Variants in SS18 observed in about 807,000 individuals in gnomAD.
SS18 encodes the protein protein SSXT.
SS18 carries 28 observed loss-of-function variants against 72.5 expected under a neutral mutation model. The observed-to-expected ratio is 0.39, with a 90% CI of 0.29 to 0.53. The LOEUF is 0.53. SS18 is among the 20% of genes least tolerant of loss of function. SS18 has a pLI of 0.76. For synonymous variants in SS18, 172 were observed against 164.2 expected, an observed-to-expected ratio of 1.05 and a Z score of -0.37; for missense variants, 518 against 535.3, an observed-to-expected ratio of 0.97 and a Z score of 0.32.
chr18:26,017,200 T>C lies in SS18; in HGVS notation c.*1154A>G. 2 of 203,818 alleles carry C rather than the reference T, an allele frequency of 9.8e-6. No homozygotes were observed. The highest frequency in any genetic ancestry group is 2.0e-5 in the Non-Finnish European group (2 of 99,508). 12.6% of individuals were successfully genotyped at this position (203,818 alleles called of 1,614,324 possible). On this transcript the variant is annotated 3_prime_UTR_variant, in exon 11 of 11. Coordinates refer to ENST00000415083, the MANE Select transcript of SS18 (RefSeq NM_001007559.3). ...CTCGGTGCTTTAAAAACAGATAGAA[T>C]AAACCTCATCAATAAGCATTTTCCT...
At chr18:26,038,468 C>T (rs2053663104) in intron 7 of SS18, 87 bp downstream of exon 7, 4 of 1,215,074 alleles carry the variant, frequency 3.3e-6, no homozygotes, top group Admixed American at 1.8e-5. Flanking sequence ...TTAGTTTCTT[C>T]GTCCTCACTG....
chr18:26,066,513 T>A (rs2054219757), intron 3 of SS18, among the ~76,000 whole-genome samples: 1 of 152,066 alleles, frequency 6.6e-6, no homozygotes, highest in African/African-American at 2.4e-5. Context: ...CATGGAGTCA[T>A]CCCTAATGTC....
chr18:26,024,899 G>A (rs1247797561), intron 10 of SS18, among the ~76,000 whole-genome samples: 2 of 152,082 alleles, frequency 1.3e-5, no homozygotes, highest in Admixed American at 6.6e-5. Flanking sequence ...AGATCCGACT[G>A]ACTACATATG....
intron 5 of SS18, among the ~76,000 whole-genome samples, chr18:26,041,748 G>GAA (rs113774814): frequency 7.3e-5 from 11 of 150,240 alleles, no homozygotes; most frequent in African/African-American, 2.7e-4. Context: ...ATAGCCAAAA[G>GAA]AAAAAAAAAT....
chr18:26,052,972 G>A (rs1364842600), intron 4 of SS18, 127 bp from the exon 5 acceptor site: 1 of 711,836 alleles, frequency 1.4e-6, no homozygotes, highest in Non-Finnish European at 2.3e-6. Flanking sequence ...CGATAGCAAA[G>A]TAAATGGTTT....
upstream of SS18, chr18:26,090,629 G>A (rs968408654): frequency 7.3e-6 from 11 of 1,513,818 alleles, no homozygotes; most frequent in African/African-American, 1.4e-5. Flanking sequence ...GCAAACTGGG[G>A]GAGAGACGCC....
rs115454829 is a variant in SS18 at position 26,067,904 on chromosome 18, C to T, written c.232-10162G>A. 8.5e-3 allele frequency among the ~76,000 whole-genome samples: 1,300 copies of T among 152,192 alleles called. 18 individuals carry two copies. The highest frequency in any genetic ancestry group is 0.03 in the African/African-American group (1,256 of 41,502). On this transcript the variant is annotated intron_variant, in intron 3 of 10. Transcript: ENST00000415083. ...GGGAGGGGCAGGCGAGGGATGATTT[C>T]GGGATAAAACTGTTCCACCTCAGAT...
intron 10 of SS18, 44 bp downstream of exon 10, chr18:26,032,355 T>C (rs770948013): frequency 1.3e-5 from 20 of 1,599,942 alleles, no homozygotes; most frequent in Non-Finnish European, 1.7e-5. Context: ...TAATCGAGAG[T>C]GAAGAAACAA....
At chr18:26,087,451 T>C in intron 2 of SS18, 50 bp downstream of exon 2, 1 of 1,031,700 alleles carries the variant, frequency 9.7e-7, no homozygotes, top group Non-Finnish European at 1.5e-6. Flanking sequence ...AAGTAAAAAA[T>C]TAACCAATAC....
chr18:26,068,931 C>G (rs1215677417), intron 3 of SS18, among the ~76,000 whole-genome samples: 1 of 152,120 alleles, frequency 6.6e-6, no homozygotes, highest in Non-Finnish European at 1.5e-5. Flanking sequence ...GGGGATATTT[C>G]AAACGCAGTA....
intron 3 of SS18, among the ~76,000 whole-genome samples, chr18:26,072,710 T>C (rs958622500): frequency 4.4e-5 from 6 of 137,650 alleles, no homozygotes; most frequent in Non-Finnish European, 6.0e-5. Context: ...AGTAGAAGAA[T>C]GGTGTGAACC....
chr18:26,068,274 T>C (rs990888195), intron 3 of SS18: 2 of 152,208 alleles, frequency 1.3e-5, no homozygotes, highest in Non-Finnish European at 2.9e-5. Flanking sequence ...TTTTTTTTAC[T>C]GTAATTAAAA....
chr18:26,048,548 A>G (rs1230264084), intron 5 of SS18, among the ~76,000 whole-genome samples: 1 of 152,206 alleles, frequency 6.6e-6, no homozygotes, highest in African/African-American at 2.4e-5. Context: ...TCCATTGTGT[A>G]ATAGTAAGAG....
intron 10 of SS18, among the ~76,000 whole-genome samples, chr18:26,019,996 CTG>C (rs912586626): frequency 6.6e-6 from 1 of 151,922 alleles, no homozygotes; most frequent in Non-Finnish European, 1.5e-5. Context: ...TGTTGATAAA[CTG>C]ATGAAGTTGG....
intron 4 of SS18, among the ~76,000 whole-genome samples, chr18:26,056,533 ATCAG>A (rs2054025203): frequency 6.6e-6 from 1 of 152,182 alleles, no homozygotes; most frequent in Non-Finnish European, 1.5e-5. Flanking sequence ...CTCCTATATG[ATCAG>A]TCACACCTCA....
chr18:26,063,206 C>CG (rs1391000363), intron 3 of SS18, among the ~76,000 whole-genome samples: 1 of 143,030 alleles, frequency 7.0e-6, no homozygotes, highest in Non-Finnish European at 1.5e-5. Flanking sequence ...ATCAGTAGGC[C>CG]GGGCACAGTG....
chr18:26,029,635 G>A (rs2053510132), intron 10 of SS18, among the ~76,000 whole-genome samples: 1 of 152,184 alleles, frequency 6.6e-6, no homozygotes, highest in African/African-American at 2.4e-5. Context: ...TTACTGGATA[G>A]CAAGGACCGA....
At chr18:26,065,145 A>C (rs1207592070) in intron 3 of SS18, among the ~76,000 whole-genome samples, 2 of 152,152 alleles carry the variant, frequency 1.3e-5, no homozygotes, top group Non-Finnish European at 2.9e-5. Flanking sequence ...GTAGAGGATA[A>C]TCAAATTCCC....
chr18:26,060,911 G>A (rs1001162293), intron 3 of SS18, among the ~76,000 whole-genome samples: 2 of 148,204 alleles, frequency 1.3e-5, no homozygotes, highest in African/African-American at 2.5e-5. Flanking sequence ...AGCTGAGATC[G>A]CATCACTGCA....
Sources: allele counts gnomAD v4.1 joint callset (sites outside exome capture counted in the v4.1 genomes callset), GRCh38; gene constraint gnomAD v4.1.1; transcripts MANE v1.5; gene names NCBI Gene and HGNC (gene_info 2026-07-23, HGNC 2026-07-21).